MCC: variants seen among roughly 807,000 people sequenced by gnomAD.
The protein encoded by MCC is colorectal mutant cancer protein.
Under a neutral mutation model 116.2 loss-of-function variants are expected in MCC, and 90 were observed. The ratio of observed to expected loss-of-function variants is 0.77; its 90% CI spans 0.65 to 0.92. The LOEUF (loss-of-function observed/expected upper bound fraction) is 0.92, where lower values mean the gene tolerates loss of function less well. MCC is among the 40% of genes least tolerant of loss of function. The probability of loss-of-function intolerance (pLI) is 0.00; values close to 1 mark genes in which losing one functional copy is unlikely to be tolerated. For synonymous variants in MCC, 578 were observed against 510.5 expected (o/e 1.13, Z -1.78); for missense variants, 1,516 against 1,312.2 (o/e 1.16, Z -2.40).
intron 2 of MCC, among the ~76,000 whole-genome samples, chr5:113,357,669 G>A (rs7725589): frequency 0.46 from 69,845 of 151,994 alleles, 17,438 homozygotes; most frequent in African/African-American, 0.65. Context: ...GCAAAATGGT[G>A]GAGCTTAACT....
intron 1 of MCC, among the ~76,000 whole-genome samples, chr5:113,400,328 G>C (rs2150398436): frequency 6.6e-6 from 1 of 151,936 alleles, no homozygotes; most frequent in East Asian, 1.9e-4. Context: ...TCACCATAAT[G>C]GCCAGGCTGG....
intron 3 of MCC, among the ~76,000 whole-genome samples, chr5:113,273,964 T>G (rs1765713742): frequency 6.6e-6 from 1 of 152,200 alleles, no homozygotes; most frequent in African/African-American, 2.4e-5. Flanking sequence ...CTCAGGATAT[T>G]ATGTGTATGA....
At chr5:113,241,250 A>G (rs1764352709) in intron 3 of MCC, among the ~76,000 whole-genome samples, 1 of 152,186 alleles carries the variant, frequency 6.6e-6, no homozygotes, top group Non-Finnish European at 1.5e-5. Flanking sequence ...CTTTCCAACA[A>G]TGACTAAAAT....
At chr5:113,066,210 T>C (rs764328817) in intron 13 of MCC, among the ~76,000 whole-genome samples, 1 of 152,178 alleles carries the variant, frequency 6.6e-6, no homozygotes, top group African/African-American at 2.4e-5. Context: ...ACTGAGTAGG[T>C]ACATGCCTAA....
At chr5:113,294,448 A>T in intron 3 of MCC, 1 of 1,611,562 alleles carries the variant, frequency 6.2e-7, no homozygotes, top group Non-Finnish European at 8.5e-7. Context: ...GTTGGACTTC[A>T]CAGGCTCAAT....
chr5:113,365,841 G>A (rs1768673505), intron 2 of MCC, among the ~76,000 whole-genome samples: 1 of 152,132 alleles, frequency 6.6e-6, no homozygotes. Flanking sequence ...AGAGCAGGGA[G>A]GTGTTACATG....
chr5:113,109,716 T>G (rs139994237), intron 6 of MCC, among the ~76,000 whole-genome samples: 1 of 152,172 alleles, frequency 6.6e-6, no homozygotes, highest in Non-Finnish European at 1.5e-5. Context: ...TAGGCTGATA[T>G]GAAACAGAAA....
chr5:113,352,092 T>C (rs1768282074), intron 2 of MCC, among the ~76,000 whole-genome samples: 1 of 152,186 alleles, frequency 6.6e-6, no homozygotes. Flanking sequence ...TCCACATAAA[T>C]GGACCATATA....
intron 11 of MCC, among the ~76,000 whole-genome samples, chr5:113,077,692 C>A (rs1217390827): frequency 6.6e-6 from 1 of 152,106 alleles, no homozygotes; most frequent in African/African-American, 2.4e-5. Context: ...TAAATGCCTA[C>A]AAGAGAAAGC....
Position 113,284,996 on chromosome 5 carries a change from G to C in MCC, c.627+55523C>G, listed in dbSNP as rs141493786. Among the ~76,000 whole-genome samples, 897 of 152,240 alleles carry C rather than the reference G, an allele frequency of 5.9e-3. 4 individuals are homozygous for C. The highest frequency in any genetic ancestry group is 0.017 in the Middle Eastern group (5 of 294). ...CCATCAATACTGAACCATCAATCAA[G>C]GGAAAGCAATTTTCAAATCATTCTT... On this transcript the variant is annotated intron_variant, in intron 3 of 18. Coordinates refer to ENST00000408903, the MANE Select transcript of MCC (RefSeq NM_001085377.2).
chr5:113,301,218 C>A (rs560544668), intron 3 of MCC, among the ~76,000 whole-genome samples: 6 of 152,310 alleles, frequency 3.9e-5, no homozygotes, highest in African/African-American at 1.4e-4. Flanking sequence ...GTAATCCCAG[C>A]ACTTTGGGAG....
At chr5:113,467,251 T>C (rs1411758415) in intron 1 of MCC, among the ~76,000 whole-genome samples, 2 of 151,168 alleles carry the variant, frequency 1.3e-5, no homozygotes, top group Admixed American at 6.6e-5. Flanking sequence ...AGACATGAAG[T>C]CCTTGCCCAT....
intron 17 of MCC, among the ~76,000 whole-genome samples, chr5:113,036,497 G>T (rs539887852): frequency 6.6e-6 from 1 of 152,202 alleles, no homozygotes; most frequent in African/African-American, 2.4e-5. Context: ...CTGCTTAACA[G>T]TGCAGCCCTG....
intron 2 of MCC, among the ~76,000 whole-genome samples, chr5:113,366,078 G>A (rs72797921): frequency 4.6e-5 from 7 of 152,136 alleles, no homozygotes; most frequent in South Asian, 4.2e-4. Context: ...TTGTGCTTTC[G>A]AAACTAATGT....
intron 4 of MCC, 85 bp from the exon 5 acceptor site, chr5:113,143,445 TTACA>T (rs1759309535): frequency 6.9e-7 from 1 of 1,440,840 alleles, no homozygotes; most frequent in Admixed American, 2.0e-5. Context: ...CCTTAAACCA[TTACA>T]ACTGCCAACA....
rs77074896 is a variant in MCC, at chr5:113,119,559, C to T, written c.1027+3125G>A. ...CAAGGAGGCGGCCAGAAGCAGGGAC[C>T]GCCCTGTTGGCTGCGTGCTGAGGAA... On this transcript the variant is annotated intron_variant, in intron 6 of 18. Coordinates refer to ENST00000408903, the MANE Select transcript of MCC (RefSeq NM_001085377.2). Among the ~76,000 whole-genome samples the T allele has an allele frequency of 2.7e-3, 405 of 152,330 alleles. 15 individuals are homozygous for T. In the East Asian group the frequency reaches 0.062, roughly 23 times the overall value.
chr5:113,149,911 C>A (rs1759746254), intron 4 of MCC, among the ~76,000 whole-genome samples: 1 of 152,050 alleles, frequency 6.6e-6, no homozygotes. Flanking sequence ...CCCTAAAAAA[C>A]CAAAAGGAAT....
intron 1 of MCC, among the ~76,000 whole-genome samples, chr5:113,466,933 A>T (rs200568624): frequency 0.025 from 2,945 of 119,350 alleles, no homozygotes; most frequent in African/African-American, 0.03. Flanking sequence ...TCTGATGGCC[A>T]GTGATGATGA....
chr5:113,115,955 T>C (rs1395252250), intron 6 of MCC, among the ~76,000 whole-genome samples: 1 of 152,150 alleles, frequency 6.6e-6, no homozygotes, highest in East Asian at 1.9e-4. Flanking sequence ...GTTTAGAGGA[T>C]AAATTCCAAC....
Sources: allele counts gnomAD v4.1 joint callset (sites outside exome capture counted in the v4.1 genomes callset), GRCh38; gene constraint gnomAD v4.1.1; transcripts MANE v1.5; gene names NCBI Gene and HGNC (gene_info 2026-07-23, HGNC 2026-07-21).